Variants in FRAS1 observed in about 807,000 individuals in gnomAD.
FRAS1 encodes extracellular matrix organizing protein FRAS1.
A neutral mutation model predicts 435.2 loss-of-function variants in FRAS1; 290 were observed. The observed-to-expected ratio is 0.67, with a 90% CI of 0.61 to 0.73. The LOEUF is 0.73. Among genes scored for constraint, FRAS1 ranks in the 30% least tolerant of loss-of-function variants. FRAS1 has a pLI of 0.00. For missense variants in FRAS1, 4,860 were observed against 5,001.5 expected (o/e 0.97, Z 0.85); for synonymous variants, 1,800 against 1,851.0 (o/e 0.97, Z 0.71).
chr4:78,323,821 C>T (rs995913264), intron 18 of FRAS1, among the ~76,000 whole-genome samples: 6 of 152,132 alleles, frequency 3.9e-5, no homozygotes, highest in Non-Finnish European at 7.3e-5. Context: ...GATTCTTCTT[C>T]TACTATGGTT....
At chr4:78,060,059 T>C (rs1216833893) in intron 1 of FRAS1, among the ~76,000 whole-genome samples, 1 of 152,184 alleles carries the variant, frequency 6.6e-6, no homozygotes, top group Non-Finnish European at 1.5e-5. Context: ...ATGGTGCTTA[T>C]CTAATAATGA....
intron 23 of FRAS1, among the ~76,000 whole-genome samples, chr4:78,370,581 A>G (rs1731464100): frequency 6.6e-6 from 1 of 152,200 alleles, no homozygotes; most frequent in Non-Finnish European, 1.5e-5. Context: ...TTCTGAAGAT[A>G]CATTACTTTC....
Position 78,290,441 on chromosome 4 carries a change from T to C in FRAS1, c.1534+3902T>C, listed in dbSNP as rs561789196. On this transcript the variant is annotated intron_variant, in intron 14 of 73. Coordinates refer to ENST00000512123, the MANE Select transcript of FRAS1 (RefSeq NM_025074.7). The stretch of plus-strand genomic sequence containing the variant: ...ACCACCTGGACCACCTGGTTTCTTT[T>C]TTTCTTTCTTTCTTTCTTTCTTTTT... Among the ~76,000 whole-genome samples, 18 of 149,590 alleles carry C rather than the reference T, an allele frequency of 1.2e-4. No homozygotes were observed. The South Asian group carries it at 1.3e-3, about 11-fold the overall frequency.
intron 26 of FRAS1, among the ~76,000 whole-genome samples, chr4:78,378,661 T>G (rs558328493): frequency 6.6e-6 from 1 of 152,292 alleles, no homozygotes; most frequent in East Asian, 1.9e-4. Flanking sequence ...ATTGGCCTTT[T>G]GTGTATCTTC....
intron 4 of FRAS1, among the ~76,000 whole-genome samples, chr4:78,246,604 G>A (rs887023526): frequency 6.6e-6 from 1 of 152,172 alleles, no homozygotes; most frequent in African/African-American, 2.4e-5. Context: ...AAGTGCCTCA[G>A]GGCAGAGTGG....
intron 29 of FRAS1, among the ~76,000 whole-genome samples, chr4:78,395,851 A>T (rs1732636286): frequency 6.6e-6 from 1 of 152,006 alleles, no homozygotes; most frequent in Admixed American, 6.6e-5. Flanking sequence ...ATCCATTTAC[A>T]TTTAATTGTT....
chr4:78,203,131 C>G (rs1723113333), intron 2 of FRAS1, among the ~76,000 whole-genome samples: 1 of 152,180 alleles, frequency 6.6e-6, no homozygotes, highest in South Asian at 2.1e-4. Flanking sequence ...CAGGGTAATT[C>G]AGACTGGTTC....
intron 18 of FRAS1, among the ~76,000 whole-genome samples, chr4:78,323,281 A>G (rs1729580638): frequency 6.6e-6 from 1 of 152,246 alleles, no homozygotes; most frequent in Non-Finnish European, 1.5e-5. Context: ...CGAATTGTGC[A>G]CATTTATTAA....
chr4:78,446,012 T>A (rs1718810926), intron 42 of FRAS1: 9 of 1,241,560 alleles, frequency 7.2e-6, no homozygotes, highest in African/African-American at 1.5e-5. Context: ...AACTTACATA[T>A]GTCTATGTTT....
At chr4:78,536,107 A>C (rs2109907297) in intron 71 of FRAS1, among the ~76,000 whole-genome samples, 1 of 152,230 alleles carries the variant, frequency 6.6e-6, no homozygotes, top group South Asian at 2.1e-4. Flanking sequence ...GTTGCATGTA[A>C]AGAGCTTGGT....
chr4:78,341,863 C>T lies in FRAS1; in HGVS notation c.2422+4046C>T, dbSNP rs439227. ...AGTGTCTCTCCAGCAGGAGGTTAAA[C>T]GTATAAATTGACAGGTTTCTTACTC... On this transcript the variant is annotated intron_variant, in intron 20 of 73. Transcript: ENST00000512123. Among the ~76,000 whole-genome samples the T allele has an allele frequency of 3.3e-5, 5 of 151,934 alleles. No individual in the cohort carries two copies. In the South Asian group the frequency reaches 6.2e-4, roughly 19 times the overall value.
chr4:78,188,631 C>A (rs1425417359), intron 2 of FRAS1, among the ~76,000 whole-genome samples: 1 of 152,166 alleles, frequency 6.6e-6, no homozygotes, highest in African/African-American at 2.4e-5. Flanking sequence ...AAATTACCTT[C>A]ACAGTAATGC....
At chr4:78,396,787 G>T (rs1732690966) in intron 29 of FRAS1, among the ~76,000 whole-genome samples, 2 of 152,284 alleles carry the variant, frequency 1.3e-5, no homozygotes, top group South Asian at 4.1e-4. Flanking sequence ...CATTCTTTTT[G>T]ATGGAGTTTG....
chr4:78,489,982 A>AAAAAAC (rs1553891098), intron 59 of FRAS1, among the ~76,000 whole-genome samples: 1 of 150,978 alleles, frequency 6.6e-6, no homozygotes, highest in African/African-American at 2.4e-5. Flanking sequence ...AAAAAAAAAA[A>AAAAAAC]AAAAAGAAAA....
chr4:78,267,115 C>T (rs1023632772), intron 8 of FRAS1, 126 bp from the exon 9 acceptor site: 3 of 998,142 alleles, frequency 3.0e-6, no homozygotes, highest in Non-Finnish European at 3.0e-6. Context: ...GGACCCTGCC[C>T]ATCGTGGGTC....
chr4:78,192,005 T>C (rs1722559227), intron 2 of FRAS1, among the ~76,000 whole-genome samples: 1 of 152,220 alleles, frequency 6.6e-6, no homozygotes, highest in African/African-American at 2.4e-5. Flanking sequence ...TAAACATACG[T>C]GTGCATGTGT....
chr4:78,210,541 T>G (rs1257910518), intron 2 of FRAS1, among the ~76,000 whole-genome samples: 2 of 152,212 alleles, frequency 1.3e-5, no homozygotes, highest in Non-Finnish European at 2.9e-5. Context: ...CGGGCTTTCT[T>G]GACTTCCACA....
intron 3 of FRAS1, 117 bp from the exon 4 acceptor site, chr4:78,245,116 T>C: frequency 1.4e-6 from 1 of 738,228 alleles, no homozygotes; most frequent in Non-Finnish European, 2.4e-6. Flanking sequence ...CATCTGTTGT[T>C]GTCACCTCAG....
intron 2 of FRAS1, among the ~76,000 whole-genome samples, chr4:78,074,276 C>T (rs1406066696): frequency 6.6e-6 from 1 of 152,098 alleles, no homozygotes; most frequent in Non-Finnish European, 1.5e-5. Flanking sequence ...GAATTATTAA[C>T]AGAAATAGAC....
Sources: allele counts gnomAD v4.1 joint callset (sites outside exome capture counted in the v4.1 genomes callset), GRCh38; gene constraint gnomAD v4.1.1; transcripts MANE v1.5; gene names NCBI Gene and HGNC (gene_info 2026-07-23, HGNC 2026-07-21).